USP36: variants seen among roughly 807,000 people sequenced by gnomAD.
The protein encoded by USP36 is ubiquitin specific peptidase 36.
In USP36, 59 loss-of-function variants were observed where a neutral mutation model predicts 111.5. The observed-to-expected ratio is 0.53, with a 90% CI of 0.43 to 0.66. The LOEUF (loss-of-function observed/expected upper bound fraction) is 0.66. USP36 is among the 30% of genes least tolerant of loss of function. USP36 has a pLI of 0.00. For synonymous variants in USP36, 628 were observed against 581.0 expected (o/e 1.08, Z -1.16); for missense variants, 1,488 against 1,468.0 (o/e 1.01, Z -0.22).
chr17:78,824,493 G>A lies in USP36; in HGVS notation c.690-2489C>T, dbSNP rs1208380981. On this transcript the variant is annotated intron_variant, in intron 6 of 20. Coordinates refer to ENST00000449938, the MANE Select transcript of USP36 (RefSeq NM_001385174.1). ...CAGGAGGTGGAGCCTGCCGTGAGCG[G>A]AGATTGCACCACTGCACTCTAGCCT... Among the ~76,000 whole-genome samples the A allele has an allele frequency of 2.0e-5, 3 of 152,130 alleles. No individual in the cohort carries two copies. The East Asian group carries it at 5.8e-4, about 29-fold the overall frequency.
intron 10 of USP36, among the ~76,000 whole-genome samples, chr17:78,816,821 T>C (rs776779282): frequency 2.6e-5 from 4 of 152,164 alleles, no homozygotes; most frequent in South Asian, 2.1e-4. Context: ...TTGAAATGCA[T>C]AGATCTTCAG....
intron 5 of USP36, 103 bp downstream of exon 5, chr17:78,828,794 C>A: frequency 8.4e-7 from 1 of 1,183,926 alleles, no homozygotes; most frequent in East Asian, 2.6e-5. Flanking sequence ...TGCTTAAGGC[C>A]AGGAATTTAA....
chr17:78,818,575 G>A, intron 10 of USP36, 92 bp downstream of exon 10: 1 of 1,080,448 alleles, frequency 9.3e-7, no homozygotes. Context: ...GTAAACAGCA[G>A]CTATCAAACT....
Position 78,803,852 on chromosome 17 carries a change from CGAGATG to C in USP36, c.2337_2342del (p.Ile780_Ser781del). 6.2e-7 allele frequency: 1 copy of C among 1,607,862 alleles called. No homozygotes were observed. The highest frequency in any genetic ancestry group is 8.5e-7 in the Non-Finnish European group (1 of 1,179,580). On this transcript the variant is annotated inframe_deletion, in exon 16 of 21. Coordinates refer to ENST00000449938, the MANE Select transcript of USP36 (RefSeq NM_001385174.1). The surrounding 1 kb of genome is among the most constrained non-coding windows in gnomAD (Gnocchi z 4.6). ...CCTCGTTGACCTGAGGCAGCGCCGT[CGAGATG>C]GAGGAGCAGCTCCGTGGTTCTGACG...
chr17:78,805,505 G>A (rs1353849101), intron 15 of USP36, among the ~76,000 whole-genome samples: 5 of 152,052 alleles, frequency 3.3e-5, no homozygotes, highest in African/African-American at 1.2e-4. Flanking sequence ...CCCGCAGGCC[G>A]CCTCATGACT....
chr17:78,802,950 CTTTTTTT>C (rs200647406), intron 16 of USP36, among the ~76,000 whole-genome samples: 1 of 150,624 alleles, frequency 6.6e-6, no homozygotes, highest in Non-Finnish European at 1.5e-5. Flanking sequence ...TTTCTTTTTT[CTTTTTTT>C]TTAGACAGGG....
At chr17:78,810,843 G>A (rs967341183) in intron 13 of USP36, among the ~76,000 whole-genome samples, 5 of 152,004 alleles carry the variant, frequency 3.3e-5, no homozygotes, top group East Asian at 1.9e-4. Context: ...GGCCGGGCAC[G>A]GTGGCTCATG....
chr17:78,795,444 C>T (rs889414629), downstream of USP36, among the ~76,000 whole-genome samples: 3 of 152,174 alleles, frequency 2.0e-5, no homozygotes, highest in African/African-American at 7.2e-5. The surrounding 1 kb of genome is among the most constrained non-coding windows in gnomAD (Gnocchi z 4.5). Flanking sequence ...GCACGGCAAC[C>T]CGCCTGCGCC....
rs181971219 is a variant in USP36, at chr17:78,833,780, C to T, written c.475+1500G>A. 1.1e-4 allele frequency among the ~76,000 whole-genome samples: 17 copies of T among 152,260 alleles called. No individual in the cohort carries two copies. In the East Asian group the frequency reaches 3.3e-3, roughly 29 times the overall value. On this transcript the variant is annotated intron_variant, in intron 4 of 20. Transcript: ENST00000449938. Reference sequence around the variant, plus strand: ...TGTGTCATTTGGTAGTATTTTCCTACAATTTTTATATCTATGTTCGTGAAG... The same window carrying T: ...TGTGTCATTTGGTAGTATTTTCCTATAATTTTTATATCTATGTTCGTGAAG...
chr17:78,791,129 C>CTTTTTTTT (rs10522788), downstream of USP36, among the ~76,000 whole-genome samples: 1 of 121,232 alleles, frequency 8.2e-6, no homozygotes. Flanking sequence ...ATCTGGCCTT[C>CTTTTTTTT]TTTTTTTTTT....
Position 78,798,870 on chromosome 17 carries a change from T to C in USP36, c.3240+38A>G, listed in dbSNP as rs1258796780. On this transcript the variant is annotated intron_variant, in intron 19 of 20. Transcript: ENST00000449938. The surrounding 1 kb of genome is among the most constrained non-coding windows in gnomAD (Gnocchi z 5.1). ...GGCTCTGAGCTGAGCCACGCCGCCC[T>C]GCTCCCTCAAGCCTGTGGTCAGCAT... 2.5e-6 allele frequency: 4 copies of C among 1,610,266 alleles called. No individual in the cohort carries two copies. In the Admixed American group the frequency reaches 5.0e-5, roughly 20 times the overall value.
intron 13 of USP36, among the ~76,000 whole-genome samples, chr17:78,809,511 T>C (rs1377118490): frequency 1.3e-5 from 2 of 152,112 alleles, no homozygotes; most frequent in African/African-American, 4.8e-5. Context: ...GTAATGAAAA[T>C]GCTCATGGTC....
intron 13 of USP36, among the ~76,000 whole-genome samples, chr17:78,810,762 C>G (rs564510727): frequency 2.0e-5 from 3 of 152,298 alleles, no homozygotes; most frequent in South Asian, 4.1e-4. Flanking sequence ...AAGGCCCTGA[C>G]TGCCTGTGTG....
In USP36 at chr17:78,802,362, G is replaced by A. The variant is rs1313575203; in HGVS notation, c.2984C>T (p.Ala995Val). ...AGGACACCAGCCATTCGCGGATGGT[G>A]CGCAGCTGCTGGACTCGGGGACAAC... ...DAVVPESSSC[A>V]PSANGWCPGD... is the part of the protein sequence containing the mutation. The change falls in exon 17 of 21, where the codon GCA becomes GTA. Residue 995 changes from alanine to valine, a missense_variant. Physicochemically the swap from Ala to Val is moderately conservative, Grantham distance 64. Around this residue, in one of 3 missense-constraint regions of USP36, gnomAD observed 1,073 missense variants for 994.1 expected, o/e 1.08. Coordinates refer to ENST00000449938, the MANE Select transcript of USP36 (RefSeq NM_001385174.1). The A allele has an allele frequency of 6.2e-7, 1 of 1,600,994 alleles. No homozygotes were observed. The highest frequency in any genetic ancestry group is 1.3e-5 in the African/African-American group (1 of 74,740).
At chr17:78,793,894 C>T (rs971676035), downstream of USP36, among the ~76,000 whole-genome samples, 1 of 152,104 alleles carries the variant, frequency 6.6e-6, no homozygotes, top group Non-Finnish European at 1.5e-5. Context: ...CTAGGATTCT[C>T]CCTGGGTTCC....
chr17:78,822,222 C>A (rs1393876626), intron 6 of USP36, among the ~76,000 whole-genome samples: 1 of 152,186 alleles, frequency 6.6e-6, no homozygotes, highest in Non-Finnish European at 1.5e-5. Context: ...GGCCCCACTA[C>A]CCACAGTAGC....
At position 78,802,371 on chromosome 17, in the gene USP36, C is replaced by T. The variant is rs73394926; in HGVS notation, c.2975G>A (p.Ser992Asn). ...KPQDAVVPES[S>N]SCAPSANGWC... ...GCCATTCGCGGATGGTGCGCAGCTG[C>T]TGGACTCGGGGACAACAGCATCTTG... Residue 992 changes from serine (S) to asparagine (N), a missense_variant, in exon 17 of 21, where the codon AGC (serine) becomes AAC (asparagine). Ser to Asn is a conservative substitution (Grantham distance 46). Around this residue, in one of 3 missense-constraint regions of USP36, gnomAD observed 1,073 missense variants for 994.1 expected, o/e 1.08. Transcript: ENST00000449938. 3.9e-3 allele frequency: 6,313 copies of T among 1,605,062 alleles called. 188 individuals are homozygous for T. The African/African-American group carries it at 0.065, about 16-fold the overall frequency.
intron 10 of USP36, among the ~76,000 whole-genome samples, chr17:78,814,958 C>T (rs909775712): frequency 1.3e-5 from 2 of 151,864 alleles, no homozygotes; most frequent in African/African-American, 4.8e-5. Flanking sequence ...AAAACTGCCC[C>T]GCCACAAACA....
At chr17:78,799,528 G>T in intron 18 of USP36, 139 bp downstream of exon 18, 1 of 752,088 alleles carries the variant, frequency 1.3e-6, no homozygotes, top group Non-Finnish European at 2.2e-6. Flanking sequence ...AGCCAGTGTT[G>T]AGATTCCTCT....
Sources: allele counts gnomAD v4.1 joint callset (sites outside exome capture counted in the v4.1 genomes callset), GRCh38; gene constraint gnomAD v4.1.1; regional missense constraint gnomAD v4.1.1; non-coding constraint Gnocchi (gnomAD v3.1); transcripts MANE v1.5; gene names NCBI Gene and HGNC (gene_info 2026-07-23, HGNC 2026-07-21).